PRELID2: variants seen among roughly 807,000 people sequenced by gnomAD.
PRELID2 encodes PRELI domain-containing protein 2.
A neutral mutation model predicts 28.4 loss-of-function variants in PRELID2; 25 were observed. The ratio of observed to expected loss-of-function variants is 0.88; its 90% confidence interval spans 0.64 to 1.23. PRELID2 has a LOEUF of 1.23. Ranked by LOEUF, PRELID2 falls within the 50% of genes most tolerant of loss-of-function variation. PRELID2 has a pLI of 0.00. For synonymous variants in PRELID2, 76 were observed against 71.6 expected (o/e 1.06, Z -0.31); for missense variants, 201 against 214.4 (o/e 0.94, Z 0.39).
chr5:145,612,504 T>C (rs1047369325), intron 1 of PRELID2, among the ~76,000 whole-genome samples: 1 of 152,198 alleles, frequency 6.6e-6, no homozygotes, highest in Non-Finnish European at 1.5e-5. Context: ...AGGTGGTGTT[T>C]GGTTACATGA....
chr5:145,338,750 A>C, the PRELID2 span, among the ~76,000 whole-genome samples: 1 of 152,220 alleles, frequency 6.6e-6, no homozygotes, highest in Non-Finnish European at 1.5e-5. Flanking sequence ...TATTCTCAAA[A>C]TAGTTGAAAC....
At chr5:145,528,194 C>G (rs1337435356) in intron 1 of PRELID2, among the ~76,000 whole-genome samples, 1 of 152,062 alleles carries the variant, frequency 6.6e-6, no homozygotes, top group African/African-American at 2.4e-5. Flanking sequence ...ATAGCATTTA[C>G]CTGAGTTGTA....
intron 1 of PRELID2, among the ~76,000 whole-genome samples, chr5:145,706,220 G>A (rs901417411): frequency 3.3e-5 from 5 of 152,158 alleles, no homozygotes; most frequent in African/African-American, 9.7e-5. Flanking sequence ...CATTCTTCCT[G>A]CAAGCTAAGC....
chr5:145,398,179 T>C, the PRELID2 span, among the ~76,000 whole-genome samples: 1 of 152,058 alleles, frequency 6.6e-6, no homozygotes, highest in African/African-American at 2.4e-5. Context: ...TTCTACTCCC[T>C]GGGATCCCTC....
intron 1 of PRELID2, among the ~76,000 whole-genome samples, chr5:145,662,265 C>A (rs549172918): frequency 1.4e-4 from 21 of 152,140 alleles, no homozygotes; most frequent in African/African-American, 4.1e-4. Context: ...GACATGAGAT[C>A]AAAGGAGCAA....
At chr5:145,276,805 A>T in the PRELID2 span, among the ~76,000 whole-genome samples, 1 of 152,320 alleles carries the variant, frequency 6.6e-6, no homozygotes, top group East Asian at 1.9e-4. Context: ...AAAAAAGTTC[A>T]TATGGAGTTG....
chr5:145,474,983 A>G (rs1337377078), intron 1 of PRELID2, among the ~76,000 whole-genome samples: 1 of 152,198 alleles, frequency 6.6e-6, no homozygotes, highest in Non-Finnish European at 1.5e-5. Flanking sequence ...TCTGTTATTT[A>G]TGGAAACTAA....
At chr5:145,404,911 T>C in the PRELID2 span, among the ~76,000 whole-genome samples, 1 of 152,106 alleles carries the variant, frequency 6.6e-6, no homozygotes, top group African/African-American at 2.4e-5. Flanking sequence ...GAATTGGCTC[T>C]GGGGGGATAC....
chr5:145,659,056 G>A (rs1208638980), intron 1 of PRELID2, among the ~76,000 whole-genome samples: 1 of 152,192 alleles, frequency 6.6e-6, no homozygotes, highest in Non-Finnish European at 1.5e-5. Flanking sequence ...ACAGCAGAGG[G>A]AGCAAAGGAG....
chr5:145,766,277 G>C (rs192386565), intron 5 of PRELID2, among the ~76,000 whole-genome samples: 1 of 152,088 alleles, frequency 6.6e-6, no homozygotes, highest in Non-Finnish European at 1.5e-5. Context: ...CAGATCCCCA[G>C]GCCCCTCCCA....
chr5:145,819,116 C>A (rs1293990408), intron 3 of PRELID2, among the ~76,000 whole-genome samples: 5 of 152,186 alleles, frequency 3.3e-5, no homozygotes, highest in Admixed American at 2.6e-4. Context: ...ATTATGAGGC[C>A]TCCCCAGCCA....
chr5:145,671,459 G>C (rs749657814), intron 1 of PRELID2, among the ~76,000 whole-genome samples: 2 of 152,070 alleles, frequency 1.3e-5, no homozygotes, highest in Non-Finnish European at 2.9e-5. Context: ...TGTTAAACTT[G>C]GTATTATTCT....
intron 1 of PRELID2, among the ~76,000 whole-genome samples, chr5:145,524,883 C>T (rs576253597): frequency 6.6e-6 from 1 of 152,314 alleles, no homozygotes; most frequent in East Asian, 1.9e-4. Context: ...CACGGGTTTA[C>T]TGTGAGACTA....
chr5:145,766,197 C>A (rs1340166251), intron 5 of PRELID2, among the ~76,000 whole-genome samples: 1 of 152,144 alleles, frequency 6.6e-6, no homozygotes, highest in South Asian at 2.1e-4. Context: ...GGAAAGGGAG[C>A]TGCTATTTTC....
intron 5 of PRELID2, among the ~76,000 whole-genome samples, chr5:145,781,375 G>C (rs543248595): frequency 2.0e-5 from 3 of 152,148 alleles, no homozygotes; most frequent in African/African-American, 7.2e-5. Context: ...TCCCTCAGCT[G>C]ATATGTCTGA....
At chr5:145,601,738 A>T (rs62394190) in intron 1 of PRELID2, among the ~76,000 whole-genome samples, 1 of 152,018 alleles carries the variant, frequency 6.6e-6, no homozygotes, top group South Asian at 2.1e-4. Flanking sequence ...CTGATGTGTA[A>T]CTTTGACACA....
In PRELID2 at chr5:145,796,563, A is replaced by C; in HGVS notation, c.369-16T>G. 6.5e-7 allele frequency: 1 copy of C among 1,530,450 alleles called. No individual in the cohort carries two copies. The highest frequency in any genetic ancestry group is 9.0e-7 in the Non-Finnish European group (1 of 1,117,026). The allele number at this position is 1,530,450 out of a possible 1,614,324, so 94.8% of individuals were successfully genotyped here. A position where few individuals can be genotyped will look rare whatever the true frequency, so the allele number is the denominator to read the frequency against. ...GAACTCTGTCCTGCAAAAAAAACAAAAAACACATCTTTGATGTCATTCTAT... is the reference window on the plus strand; with the variant it reads ...GAACTCTGTCCTGCAAAAAAAACAACAAACACATCTTTGATGTCATTCTAT... On this transcript the variant is annotated splice_polypyrimidine_tract_variant and intron_variant, in intron 4 of 6. Coordinates refer to ENST00000683046, the MANE Select transcript of PRELID2 (RefSeq NM_205846.3).
downstream of PRELID2, among the ~76,000 whole-genome samples, chr5:145,468,212 C>T (rs184989412): frequency 4.0e-3 from 612 of 152,140 alleles, 2 homozygotes; most frequent in African/African-American, 0.014. Context: ...TGGTGGTTTC[C>T]AGCTTCATCC....
chr5:145,542,361 G>A (rs1163900262), intron 1 of PRELID2, among the ~76,000 whole-genome samples: 1 of 152,086 alleles, frequency 6.6e-6, no homozygotes, highest in Non-Finnish European at 1.5e-5. Context: ...AAGTGGTGGG[G>A]ATTAGAACAG....
Sources: gnomAD v4.1 joint callset for allele counts (sites outside exome capture counted in the v4.1 genomes callset) on GRCh38, gnomAD v4.1.1 for gene constraint, MANE v1.5 for transcripts, NCBI Gene and HGNC (gene_info 2026-07-23, HGNC 2026-07-21) for gene names.